LMBR1: variants seen among roughly 807,000 people sequenced by gnomAD.
The protein encoded by LMBR1 is limb development membrane protein 1, also known as limb region 1 protein homolog.
A neutral mutation model predicts 73.9 loss-of-function variants in LMBR1; 52 were observed. That is an observed-to-expected ratio of 0.70 (90% CI 0.56 to 0.89). The LOEUF is 0.89. LMBR1 is among the 40% of genes least tolerant of loss of function. The pLI is 0.00. For missense variants in LMBR1, 539 were observed against 579.8 expected, an observed-to-expected ratio of 0.93 and a Z score of 0.72; for synonymous variants, 215 against 209.4, an observed-to-expected ratio of 1.03 and a Z score of -0.23.
In LMBR1 at chr7:156,865,844, C is replaced by A. The variant is rs762686355; in HGVS notation, c.66+27084G>T. Among the ~76,000 whole-genome samples the A allele has an allele frequency of 1.7e-4, 26 of 151,994 alleles. 1 individual carries two copies. The highest frequency in any genetic ancestry group is 3.2e-3 in the Middle Eastern group (1 of 316). On this transcript the variant is annotated intron_variant, in intron 1 of 16. Coordinates refer to ENST00000353442, the MANE Select transcript of LMBR1 (RefSeq NM_022458.4). ...TCAGTTGGGGGTATGGGGGAAATAGCCTTTTTAACAAATGGTACTGGAACA... is the reference window on the plus strand; with the variant it reads ...TCAGTTGGGGGTATGGGGGAAATAGACTTTTTAACAAATGGTACTGGAACA...
chr7:156,875,883 G>A, intron 1 of LMBR1, among the ~76,000 whole-genome samples: 1 of 146,580 alleles, frequency 6.8e-6, no homozygotes, highest in East Asian at 2.0e-4. Context: ...ATTCTCACAG[G>A]GCATATAAAA....
At chr7:156,697,598 T>C (rs1458761334) in intron 15 of LMBR1, among the ~76,000 whole-genome samples, 1 of 152,232 alleles carries the variant, frequency 6.6e-6, no homozygotes, top group African/African-American at 2.4e-5. Context: ...AGGAAATGAA[T>C]TTAGCGATAT....
At chr7:156,779,687 T>C (rs1826778373) in intron 5 of LMBR1, 1 of 1,287,252 alleles carries the variant, frequency 7.8e-7, no homozygotes, top group Non-Finnish European at 1.0e-6. Flanking sequence ...CATGTTTCTA[T>C]GGTGATGAAC....
chr7:156,839,889 G>T (rs1486680340), intron 1 of LMBR1, among the ~76,000 whole-genome samples: 1 of 152,204 alleles, frequency 6.6e-6, no homozygotes, highest in Non-Finnish European at 1.5e-5. Flanking sequence ...GAGTGTAGAA[G>T]ATGGGCCAAA....
At chr7:156,774,253 T>C (rs1285816676) in intron 5 of LMBR1, among the ~76,000 whole-genome samples, 2 of 152,186 alleles carry the variant, frequency 1.3e-5, no homozygotes, top group Non-Finnish European at 2.9e-5. Context: ...GGAATCCTCA[T>C]GTACTGCTGG....
intron 15 of LMBR1, among the ~76,000 whole-genome samples, chr7:156,696,424 G>A (rs1402999935): frequency 1.3e-5 from 2 of 152,124 alleles, no homozygotes; most frequent in African/African-American, 4.8e-5. Context: ...TTTTGCCAAA[G>A]AAAATATGCA....
chr7:156,867,778 G>C (rs1798675014), intron 1 of LMBR1, among the ~76,000 whole-genome samples: 1 of 152,260 alleles, frequency 6.6e-6, no homozygotes, highest in Non-Finnish European at 1.5e-5. Context: ...GGAGTATGTG[G>C]GTGCAACAGG....
intron 5 of LMBR1, among the ~76,000 whole-genome samples, chr7:156,792,766 G>T (rs1237403907): frequency 6.6e-6 from 1 of 152,164 alleles, no homozygotes; most frequent in Non-Finnish European, 1.5e-5. Flanking sequence ...ATGGCCAGTG[G>T]CCAATTTCCG....
intron 15 of LMBR1, among the ~76,000 whole-genome samples, chr7:156,706,398 G>A (rs891778705): frequency 6.6e-6 from 1 of 152,008 alleles, no homozygotes; most frequent in Non-Finnish European, 1.5e-5. Flanking sequence ...TTGGTGCAAC[G>A]GACCTAAAAC....
At chr7:156,760,355 T>C (rs1056144855) in intron 8 of LMBR1, among the ~76,000 whole-genome samples, 2 of 152,208 alleles carry the variant, frequency 1.3e-5, no homozygotes, top group East Asian at 1.9e-4. Context: ...TTCAGCTCCA[T>C]GGGGTATTCA....
At chr7:156,869,189 T>C (rs1192241246) in intron 1 of LMBR1, among the ~76,000 whole-genome samples, 1 of 152,202 alleles carries the variant, frequency 6.6e-6, no homozygotes, top group Non-Finnish European at 1.5e-5. Flanking sequence ...GCCTTAAGTT[T>C]CTTAAATTAT....
intron 1 of LMBR1, among the ~76,000 whole-genome samples, chr7:156,879,207 A>G (rs1418632663): frequency 6.6e-6 from 1 of 152,252 alleles, no homozygotes; most frequent in Non-Finnish European, 1.5e-5. Flanking sequence ...GACTTAATTA[A>G]ACTAAAGAGC....
intron 4 of LMBR1, among the ~76,000 whole-genome samples, chr7:156,671,375 A>G (rs566848268): frequency 5.7e-4 from 87 of 152,342 alleles, no homozygotes; most frequent in South Asian, 1.0e-3. Context: ...TAATATACAC[A>G]TAAGCTCTTT....
intron 16 of LMBR1, among the ~76,000 whole-genome samples, chr7:156,686,521 G>C (rs1484784872): frequency 2.0e-5 from 3 of 152,110 alleles, no homozygotes; most frequent in Non-Finnish European, 2.9e-5. Context: ...TTGCCCCGTA[G>C]CACACCCCAA....
chr7:156,892,738 G>C, intron 1 of LMBR1, 190 bp downstream of exon 1: 1 of 393,766 alleles, frequency 2.5e-6, no homozygotes, highest in Non-Finnish European at 4.5e-6. Flanking sequence ...GGGGAGGGGA[G>C]AGGAGAGGTG....
chr7:156,698,041 C>T (rs1219332205), intron 15 of LMBR1, among the ~76,000 whole-genome samples: 1 of 152,198 alleles, frequency 6.6e-6, no homozygotes, highest in Admixed American at 6.5e-5. Flanking sequence ...GTAAATACAG[C>T]CATTCCAAAC....
intron 9 of LMBR1, among the ~76,000 whole-genome samples, chr7:156,748,914 T>C (rs1820337761): frequency 6.6e-6 from 1 of 152,224 alleles, no homozygotes; most frequent in Non-Finnish European, 1.5e-5. Flanking sequence ...TATTAGCATA[T>C]ATCTCTGGCA....
At chr7:156,676,140 G>A, downstream of LMBR1, 1 of 975,406 alleles carries the variant, frequency 1.0e-6, no homozygotes, top group South Asian at 1.9e-5. Context: ...GACGGCAAAG[G>A]TCCCTTCAGT....
intron 4 of LMBR1, among the ~76,000 whole-genome samples, chr7:156,815,059 G>A (rs1833685766): frequency 1.3e-5 from 2 of 151,274 alleles, no homozygotes; most frequent in Middle Eastern, 6.8e-3. Context: ...GGGAGGCTGA[G>A]GCAGGAGAAT....
Sources: allele counts gnomAD v4.1 joint callset (sites outside exome capture counted in the v4.1 genomes callset), GRCh38; gene constraint gnomAD v4.1.1; transcripts MANE v1.5; gene names NCBI Gene and HGNC (gene_info 2026-07-23, HGNC 2026-07-21).